ARHGEF17: variants seen among roughly 807,000 people sequenced by gnomAD.
ARHGEF17 encodes Rho guanine nucleotide exchange factor 17.
A neutral mutation model predicts 174.0 loss-of-function variants in ARHGEF17; 80 were observed. The ratio of observed to expected loss-of-function variants is 0.46; its 90% confidence interval spans 0.38 to 0.55. ARHGEF17 has a LOEUF of 0.55. Ranked by LOEUF, ARHGEF17 falls within the 20% of genes least tolerant of loss-of-function variation. The pLI, the probability that ARHGEF17 is intolerant of heterozygous loss-of-function variation, is 0.00. For synonymous variants in ARHGEF17, 1,311 were observed against 1,189.1 expected, an observed-to-expected ratio of 1.10 and a Z score of -2.11; for missense variants, 2,886 against 2,839.7, an observed-to-expected ratio of 1.02 and a Z score of -0.37.
chr11:73,360,639 T>C, intron 11 of ARHGEF17, 106 bp downstream of exon 11: 1 of 1,219,416 alleles, frequency 8.2e-7, no homozygotes, highest in East Asian at 2.4e-5. Flanking sequence ...CGCAGTGCCC[T>C]GTGCTCCGGC....
intron 1 of ARHGEF17, among the ~76,000 whole-genome samples, chr11:73,326,436 A>G (rs1207139238): frequency 6.6e-6 from 1 of 152,156 alleles, no homozygotes; most frequent in Non-Finnish European, 1.5e-5. Context: ...GGTAATTTCC[A>G]AGCTCACGGC....
At position 73,361,111 on chromosome 11, in the gene ARHGEF17, C is replaced by T. The variant is rs1565208761; in HGVS notation, c.4444C>T (p.Pro1482Ser). ...AGCATCCAGCAAAAGCTGTCTAGAC[C>T]CTGAGTTCCTGAAGGCCATCCCCAT... Reference protein sequence around the residue: ...KLASSKSCLDPEFLKAIPIMK... With the variant: ...KLASSKSCLDSEFLKAIPIMK... Residue 1482 changes from proline (P) to serine (S), a missense_variant, in exon 12 of 21, where the codon CCT (proline) becomes TCT (serine). Pro to Ser is a moderately conservative substitution (Grantham distance 74). Around this residue, in one of 4 missense-constraint regions of ARHGEF17, gnomAD observed 476 missense variants for 473.1 expected, o/e 1.01. Coordinates refer to ENST00000263674, the MANE Select transcript of ARHGEF17 (RefSeq NM_014786.4). 3 of 1,613,948 alleles carry T rather than the reference C, an allele frequency of 1.9e-6. No individual in the cohort carries two copies. Among genetic ancestry groups the T allele is most frequent in the African/African-American group, 2.7e-5 (2 of 74,908 alleles).
At chr11:73,329,359 ATATATATATATATATTTTTTT>A (rs1744235369) in intron 1 of ARHGEF17, among the ~76,000 whole-genome samples, 1 of 2,698 alleles carries the variant, frequency 3.7e-4, no homozygotes, top group African/African-American at 1.1e-3. Context: ...ATATATATAT[ATATATATATATATATTTTTTT>A]TTTTTTTTTG....
At chr11:73,363,664 G>T in intron 15 of ARHGEF17, 83 bp from the exon 16 acceptor site, 1 of 1,565,902 alleles carries the variant, frequency 6.4e-7, no homozygotes. Context: ...AAGACGTGGT[G>T]CTAGGGGCAA....
At chr11:73,362,889 G>A (rs1865771578) in intron 14 of ARHGEF17, among the ~76,000 whole-genome samples, 155 bp downstream of exon 14, 1 of 152,228 alleles carries the variant, frequency 6.6e-6, no homozygotes, top group Non-Finnish European at 1.5e-5. Context: ...GTGACACCAA[G>A]GATCCAGAGG....
chr11:73,331,897 A>G (rs1269218568), intron 1 of ARHGEF17, among the ~76,000 whole-genome samples: 2 of 152,062 alleles, frequency 1.3e-5, no homozygotes, highest in African/African-American at 4.8e-5. Context: ...ACTGCTGTCC[A>G]TTTCTAAGGC....
rs1209196127 is a variant in ARHGEF17, at chr11:73,308,997, G to A, written c.359G>A (p.Arg120Gln). Residue 120 changes from arginine to glutamine, a missense_variant, in exon 1 of 21, where the codon CGA becomes CAA. Around this residue, in one of 4 missense-constraint regions of ARHGEF17, gnomAD observed 1,728 missense variants for 1,461.2 expected, o/e 1.18. Transcript: ENST00000263674. ...AAEEAAEGPA[R>Q]GAWPSVTEMR... ...GAAGAAGCGGCCGAGGGCCCAGCGC[G>A]AGGAGCCTGGCCCAGCGTCACCGAG... The A allele has an allele frequency of 7.2e-7, 1 of 1,386,084 alleles. No homozygotes were observed. Among genetic ancestry groups the A allele is most frequent in the African/African-American group, 1.5e-5 (1 of 65,474 alleles). 85.9% of individuals were successfully genotyped at this position (1,386,084 alleles called of 1,614,324 possible).
intron 14 of ARHGEF17, 104 bp downstream of exon 14, chr11:73,362,838 A>T: frequency 4.3e-6 from 6 of 1,381,660 alleles, no homozygotes; most frequent in Non-Finnish European, 5.9e-6. Flanking sequence ...ATGGCGTCAG[A>T]CCTCAGGATG....
At chr11:73,341,662 C>T (rs1865371580) in intron 1 of ARHGEF17, among the ~76,000 whole-genome samples, 1 of 152,222 alleles carries the variant, frequency 6.6e-6, no homozygotes, top group African/African-American at 2.4e-5. Flanking sequence ...AGGGAAAAGG[C>T]ATGGGCCAAG....
chr11:73,335,959 C>G (rs982879630), intron 1 of ARHGEF17, among the ~76,000 whole-genome samples: 7 of 152,246 alleles, frequency 4.6e-5, no homozygotes, highest in Non-Finnish European at 8.8e-5. Context: ...GACCTGGTCT[C>G]TGCTCTTATG....
chr11:73,339,233 T>C (rs1591741163), intron 1 of ARHGEF17, among the ~76,000 whole-genome samples: 1 of 152,154 alleles, frequency 6.6e-6, no homozygotes, highest in East Asian at 1.9e-4. Flanking sequence ...TACCTTTAAA[T>C]CCCCAGCACA....
At chr11:73,323,010 A>G (rs1162301913) in intron 1 of ARHGEF17, among the ~76,000 whole-genome samples, 16 of 152,098 alleles carry the variant, frequency 1.1e-4, no homozygotes, top group Admixed American at 1.0e-3. Flanking sequence ...AGCGGGACTC[A>G]CTTCTTGTCT....
intron 3 of ARHGEF17, 125 bp from the exon 4 acceptor site, chr11:73,355,408 T>G: frequency 2.9e-6 from 2 of 686,924 alleles, no homozygotes; most frequent in Non-Finnish European, 5.2e-6. Context: ...GCCTGATCCC[T>G]TAGAGATTGT....
At chr11:73,360,099 G>A in intron 10 of ARHGEF17, 147 bp downstream of exon 10, 1 of 922,266 alleles carries the variant, frequency 1.1e-6, no homozygotes. Context: ...CCCTGCGTAT[G>A]GGGGAAGTAA....
At chr11:73,362,781 G>T in intron 14 of ARHGEF17, 47 bp downstream of exon 14, 1 of 1,570,970 alleles carries the variant, frequency 6.4e-7, no homozygotes, top group South Asian at 1.2e-5. Flanking sequence ...AGGCAGGGTG[G>T]ACTGCCCAGA....
At chr11:73,330,946 A>G (rs576979163) in intron 1 of ARHGEF17, among the ~76,000 whole-genome samples, 2 of 152,326 alleles carry the variant, frequency 1.3e-5, no homozygotes, top group Admixed American at 6.5e-5. Flanking sequence ...GGGTGGGGGC[A>G]GGCCCTCTGC....
intron 4 of ARHGEF17, 45 bp downstream of exon 4, chr11:73,355,694 G>A: frequency 6.3e-7 from 1 of 1,593,676 alleles, no homozygotes; most frequent in Non-Finnish European, 8.6e-7. Flanking sequence ...CCTCACCTTG[G>A]GCCAGCTTTG....
intron 1 of ARHGEF17, among the ~76,000 whole-genome samples, chr11:73,333,717 G>C (rs114518408): frequency 0.012 from 1,874 of 152,258 alleles, 40 homozygotes; most frequent in African/African-American, 0.043. Flanking sequence ...GAGTAGGGGA[G>C]GTAGGGGCCA....
Position 73,356,267 on chromosome 11 carries a change from C to T in ARHGEF17, c.3756C>T (p.Asn1252=), listed in dbSNP as rs1187197382. 3 of 1,613,774 alleles carry T rather than the reference C, an allele frequency of 1.9e-6. No individual in the cohort carries two copies. Among genetic ancestry groups the T allele is most frequent in the African/African-American group, 2.7e-5 (2 of 74,918 alleles). Residue 1252 remains asparagine, a synonymous_variant, in exon 6 of 21, where the codon AAC becomes AAT. Coordinates refer to ENST00000263674, the MANE Select transcript of ARHGEF17 (RefSeq NM_014786.4). The stretch of plus-strand genomic sequence containing the variant: ...TCAAGCAGGTGGCTGAGCGCATCAA[C>T]AAGGGTGTGCGGAGTGCCGAGGAGG... ...RNIKQVAERI[N]KGVRSAEEAE...
Sources: gnomAD v4.1 joint callset for allele counts (sites outside exome capture counted in the v4.1 genomes callset) on GRCh38, gnomAD v4.1.1 for gene constraint, gnomAD v4.1.1 regional missense constraint, MANE v1.5 for transcripts, NCBI Gene and HGNC (gene_info 2026-07-23, HGNC 2026-07-21) for gene names.